The following VSTM4 variants were observed in gnomAD, a reference collection of about 807,000 sequenced individuals.
VSTM4 encodes the protein V-set and transmembrane domain containing 4.
In VSTM4, 20 loss-of-function variants were observed where a neutral mutation model predicts 36.4. The observed-to-expected ratio is 0.55, with a 90% CI of 0.39 to 0.80. The LOEUF is 0.80. VSTM4 is among the 30% of genes least tolerant of loss of function. The probability of loss-of-function intolerance (pLI) is 0.00; values close to 1 mark genes in which losing one functional copy is unlikely to be tolerated. For synonymous variants in VSTM4, 182 were observed against 173.9 expected (o/e 1.05, Z -0.37); for missense variants, 392 against 404.5 (o/e 0.97, Z 0.26).
chr10:49,067,209 T>A (rs559969618), intron 4 of VSTM4, among the ~76,000 whole-genome samples: 12 of 125,940 alleles, frequency 9.5e-5, no homozygotes, highest in Non-Finnish European at 1.8e-4. Flanking sequence ...AAAAAATGAT[T>A]GAGTGCATAG....
chr10:49,111,822 A>G (rs1244445468), intron 1 of VSTM4, among the ~76,000 whole-genome samples: 1 of 152,220 alleles, frequency 6.6e-6, no homozygotes, highest in Non-Finnish European at 1.5e-5. Context: ...GAATATAACT[A>G]CAGTGTCACA....
chr10:49,070,721 C>T (rs1338275449), intron 4 of VSTM4, among the ~76,000 whole-genome samples: 5 of 152,182 alleles, frequency 3.3e-5, no homozygotes, highest in East Asian at 3.9e-4. Context: ...CTCCAAGTCC[C>T]GTGCTCCAGG....
chr10:49,103,707 A>G lies in VSTM4; in HGVS notation c.457+3887T>C, dbSNP rs1844710892. 1.9e-6 allele frequency: 3 copies of G among 1,609,250 alleles called. No homozygotes were observed. The Admixed American group carries it at 5.1e-5, about 27-fold the overall frequency. On this transcript the variant is annotated intron_variant, in intron 2 of 7. Transcript: ENST00000332853. ...CCAGGCACCAGCCTTTCTTTCTGGG[A>G]GTTTCCAGTGAAAGACAAGCAATTT...
At chr10:49,046,695 A>T (rs1843616180) in intron 7 of VSTM4, among the ~76,000 whole-genome samples, 1 of 152,230 alleles carries the variant, frequency 6.6e-6, no homozygotes, top group Non-Finnish European at 1.5e-5. Flanking sequence ...AAAGGTATGC[A>T]AGCAGGTCCA....
In VSTM4 at chr10:49,017,955, C is replaced by T. The variant is rs1053036178; in HGVS notation, c.*1695G>A. 3 of 152,292 alleles carry T rather than the reference C, an allele frequency of 2.0e-5. No individual in the cohort carries two copies. The East Asian group carries it at 5.8e-4, about 29-fold the overall frequency. 9.4% of individuals were successfully genotyped at this position (152,292 alleles called of 1,614,324 possible). ...CAAATGGTTCTTTCTTCCTCAAAAG[C>T]TGCATGGTTTATTCAGTGCCTTCGA... On this transcript the variant is annotated 3_prime_UTR_variant, in exon 8 of 8. Coordinates refer to ENST00000332853, the MANE Select transcript of VSTM4 (RefSeq NM_001031746.5).
intron 2 of VSTM4, among the ~76,000 whole-genome samples, chr10:49,107,158 A>C (rs1844797724): frequency 6.6e-6 from 1 of 152,192 alleles, no homozygotes. Flanking sequence ...CTTTTAAAAC[A>C]ACCAGTCATG....
At chr10:49,053,359 G>C (rs1463139895) in intron 5 of VSTM4, among the ~76,000 whole-genome samples, 1 of 152,192 alleles carries the variant, frequency 6.6e-6, no homozygotes, top group African/African-American at 2.4e-5. Context: ...AGGCTTGGCA[G>C]TTTTGCTCCA....
At chr10:49,055,934 A>C (rs1263320319) in intron 5 of VSTM4, among the ~76,000 whole-genome samples, 5 of 152,284 alleles carry the variant, frequency 3.3e-5, no homozygotes, top group Non-Finnish European at 1.5e-5. Context: ...AATCGGAAGC[A>C]GGACAAGGCA....
At chr10:49,029,988 C>T (rs1285213994) in intron 7 of VSTM4, among the ~76,000 whole-genome samples, 3 of 152,232 alleles carry the variant, frequency 2.0e-5, no homozygotes, top group Non-Finnish European at 4.4e-5. Context: ...TACAGCCTCA[C>T]CCCCAGGTTC....
At chr10:49,115,261 G>A (rs1285028680) in intron 1 of VSTM4, among the ~76,000 whole-genome samples, 170 bp downstream of exon 1, 1 of 151,814 alleles carries the variant, frequency 6.6e-6, no homozygotes, top group Non-Finnish European at 1.5e-5. Flanking sequence ...CGCTGCGCCC[G>A]CCAGACCCTC....
chr10:49,045,676 T>C (rs1047598206), intron 7 of VSTM4, among the ~76,000 whole-genome samples: 5 of 152,104 alleles, frequency 3.3e-5, no homozygotes, highest in Admixed American at 1.3e-4. Context: ...CTCTAACAAA[T>C]AGAGTCTGGA....
intron 2 of VSTM4, among the ~76,000 whole-genome samples, chr10:49,105,010 C>G (rs7069441): frequency 0.4 from 15,894 of 39,502 alleles, 1,358 homozygotes; most frequent in African/African-American, 0.52. Context: ...GAGAGAGAGA[C>G]AGAGAGATAC....
At chr10:49,029,298 T>C (rs184893927) in intron 7 of VSTM4, among the ~76,000 whole-genome samples, 117 of 152,360 alleles carry the variant, frequency 7.7e-4, no homozygotes, top group African/African-American at 2.6e-3. Context: ...CTATGGTGTA[T>C]ATGTTAAATA....
At chr10:49,098,962 G>C (rs1286720104) in intron 2 of VSTM4, among the ~76,000 whole-genome samples, 3 of 152,184 alleles carry the variant, frequency 2.0e-5, no homozygotes, top group Non-Finnish European at 2.9e-5. Context: ...CTATTTTCTG[G>C]TGCTATTTCT....
chr10:49,034,321 G>C (rs1486142663), intron 7 of VSTM4, among the ~76,000 whole-genome samples: 1 of 152,144 alleles, frequency 6.6e-6, no homozygotes, highest in Admixed American at 6.5e-5. Context: ...TGATGTACAG[G>C]GCACAAACCA....
intron 5 of VSTM4, among the ~76,000 whole-genome samples, chr10:49,055,303 C>T (rs1843760623): frequency 6.6e-6 from 1 of 152,162 alleles, no homozygotes; most frequent in South Asian, 2.1e-4. Flanking sequence ...TGTCTTCCTG[C>T]CTATCTTGGT....
chr10:49,083,667 G>A (rs986481339), intron 3 of VSTM4, among the ~76,000 whole-genome samples: 11 of 152,222 alleles, frequency 7.2e-5, no homozygotes, highest in Non-Finnish European at 1.3e-4. Flanking sequence ...CATGTAGAGA[G>A]TTAGGTCGGG....
At chr10:49,084,987 A>T (rs571888825) in intron 3 of VSTM4, among the ~76,000 whole-genome samples, 1 of 152,372 alleles carries the variant, frequency 6.6e-6, no homozygotes, top group African/African-American at 2.4e-5. Context: ...GTGACAACCA[A>T]AGATACATGC....
chr10:49,101,305 A>T (rs1844661229), intron 2 of VSTM4, among the ~76,000 whole-genome samples: 2 of 152,256 alleles, frequency 1.3e-5, no homozygotes, highest in South Asian at 4.1e-4. Context: ...GTGGAAAGAA[A>T]AGTAACAAAC....
Sources: allele counts gnomAD v4.1 joint callset (sites outside exome capture counted in the v4.1 genomes callset), GRCh38; gene constraint gnomAD v4.1.1; transcripts MANE v1.5; gene names NCBI Gene and HGNC (gene_info 2026-07-23, HGNC 2026-07-21).